Variants in EVC2 observed in about 807,000 individuals in gnomAD.
The protein encoded by EVC2 is limbin.
In EVC2, 148 loss-of-function variants were observed where a neutral mutation model predicts 149.3. The observed-to-expected ratio is 0.99, with a 90% CI of 0.87 to 1.14. The LOEUF (loss-of-function observed/expected upper bound fraction) is 1.14, where lower values mean the gene tolerates loss of function less well. EVC2 is among the 50% of genes most tolerant of loss of function. EVC2 has a pLI of 0.00. For missense variants in EVC2, 1,854 were observed against 1,627.3 expected, an observed-to-expected ratio of 1.14 and a Z score of -2.40; for synonymous variants, 776 against 649.9, an observed-to-expected ratio of 1.19 and a Z score of -2.95.
intron 16 of EVC2, among the ~76,000 whole-genome samples, chr4:5,588,915 A>C (rs1712539931): frequency 6.6e-6 from 1 of 152,246 alleles, no homozygotes; most frequent in African/African-American, 2.4e-5. Context: ...AACTCCCACA[A>C]GCTTAGCATT....
chr4:5,675,302 A>C (rs1719916972), intron 7 of EVC2, among the ~76,000 whole-genome samples: 1 of 152,136 alleles, frequency 6.6e-6, no homozygotes, highest in South Asian at 2.1e-4. Context: ...ACTTTTTACT[A>C]ATTGCTATAT....
intron 1 of EVC2, among the ~76,000 whole-genome samples, 177 bp from the exon 2 acceptor site, chr4:5,697,824 C>T (rs1339168074): frequency 6.6e-6 from 1 of 151,540 alleles, no homozygotes; most frequent in Non-Finnish European, 1.5e-5. Context: ...CGACTTACTA[C>T]AAGCTCCACC....
At chr4:5,642,069 T>TGAGGAG (rs35837388) in intron 9 of EVC2, among the ~76,000 whole-genome samples, 1 of 18,536 alleles carries the variant, frequency 5.4e-5, no homozygotes, top group Admixed American at 4.3e-4. Flanking sequence ...GTTAGTTTGC[T>TGAGGAG]AAGAGTTTCC....
intron 21 of EVC2, among the ~76,000 whole-genome samples, chr4:5,553,307 A>G (rs1308535879): frequency 6.6e-6 from 1 of 152,226 alleles, no homozygotes; most frequent in African/African-American, 2.4e-5. Flanking sequence ...TTGTGAGGAC[A>G]GTACCAAAGG....
chr4:5,548,048 C>T (rs1721654318), intron 21 of EVC2, among the ~76,000 whole-genome samples: 2 of 152,110 alleles, frequency 1.3e-5, no homozygotes, highest in African/African-American at 4.8e-5. Context: ...TGGAGCTGCC[C>T]ACCCCATTGC....
In EVC2 at chr4:5,686,097, C is replaced by CAT. The variant is rs201896450; in HGVS notation, c.707-619_707-618insAT. On this transcript the variant is annotated intron_variant, in intron 5 of 21. Coordinates refer to ENST00000344408, the MANE Select transcript of EVC2 (RefSeq NM_147127.5). The surrounding 1 kb of genome is among the most constrained non-coding windows in gnomAD (Gnocchi z 5.4). ...CATATATACACACACATATATATTA[C>CAT]ACACACACACACACACACACACACA... Among the ~76,000 whole-genome samples, 472 of 57,654 alleles carry CAT rather than the reference C, an allele frequency of 8.2e-3. 4 individuals are homozygous for CAT. The highest frequency in any genetic ancestry group is 0.027 in the East Asian group (29 of 1,064). 37.8% of individuals were successfully genotyped at this position (57,654 alleles called of 152,430 possible). A position where few individuals can be genotyped will look rare whatever the true frequency, so the allele number is the denominator to read the frequency against.
intron 9 of EVC2, among the ~76,000 whole-genome samples, chr4:5,648,234 A>G (rs541018479): frequency 6.6e-6 from 1 of 152,330 alleles, no homozygotes; most frequent in Admixed American, 6.5e-5. Flanking sequence ...TAGCCACCCC[A>G]CTGATCTATC....
In EVC2 at chr4:5,613,839, A is replaced by C. The variant is rs966041878; in HGVS notation, c.2829+1583T>G. Among the ~76,000 whole-genome samples the C allele has an allele frequency of 2.0e-5, 3 of 152,296 alleles. No individual in the cohort carries two copies. The highest frequency in any genetic ancestry group is 7.2e-5 in the African/African-American group (3 of 41,566). On this transcript the variant is annotated intron_variant, in intron 16 of 21. Transcript: ENST00000344408. The surrounding 1 kb of genome is among the most constrained non-coding windows in gnomAD (Gnocchi z 4.6). ...GAACCTGGGTGAGAATAGGGTTGCC[A>C]CTTCCTGGATCCCTTAAGACATCAA... is the stretch of plus-strand genomic sequence containing the variant.
intron 9 of EVC2, among the ~76,000 whole-genome samples, chr4:5,651,882 T>C: frequency 6.6e-6 from 1 of 152,230 alleles, no homozygotes; most frequent in East Asian, 1.9e-4. Flanking sequence ...AAAATTTCCA[T>C]CATTGTCCCA....
intron 8 of EVC2, 95 bp downstream of exon 8, chr4:5,665,420 G>A (rs1409164119): frequency 1.9e-6 from 3 of 1,590,332 alleles, no homozygotes; most frequent in Non-Finnish European, 2.6e-6. Flanking sequence ...CCTCAGCAAT[G>A]CTGATGGGGA....
chr4:5,619,402 T>A (rs1715516845), intron 14 of EVC2, among the ~76,000 whole-genome samples: 1 of 152,168 alleles, frequency 6.6e-6, no homozygotes, highest in African/African-American at 2.4e-5. Flanking sequence ...AGAGGCCATC[T>A]GACATGGAGG....
At chr4:5,581,751 C>G (rs756125063) in intron 17 of EVC2, among the ~76,000 whole-genome samples, 1 of 152,172 alleles carries the variant, frequency 6.6e-6, no homozygotes, top group Non-Finnish European at 1.5e-5. Context: ...GAGAACTTCA[C>G]GGCAGCCCTT....
At chr4:5,531,851 C>A in the EVC2 span, among the ~76,000 whole-genome samples, 6 of 151,954 alleles carry the variant, frequency 3.9e-5, no homozygotes, top group South Asian at 2.1e-4. Context: ...ATCCTGAAAC[C>A]ACGCTCCTGC....
At chr4:5,668,588 T>C (rs1719428641) in intron 7 of EVC2, among the ~76,000 whole-genome samples, 1 of 152,178 alleles carries the variant, frequency 6.6e-6, no homozygotes, top group African/African-American at 2.4e-5. Flanking sequence ...TAGCATTGCA[T>C]GGAGGTTATG....
At chr4:5,553,064 G>A (rs1313541174) in intron 21 of EVC2, among the ~76,000 whole-genome samples, 3 of 152,140 alleles carry the variant, frequency 2.0e-5, no homozygotes, top group East Asian at 1.9e-4. Flanking sequence ...AGAAATACCC[G>A]AGACTGGGTA....
chr4:5,565,109 C>A, intron 21 of EVC2, 149 bp downstream of exon 21: 1 of 744,954 alleles, frequency 1.3e-6, no homozygotes, highest in Non-Finnish European at 2.4e-6. Context: ...ACTCAGCCCA[C>A]TGAATAAAGA....
downstream of EVC2, among the ~76,000 whole-genome samples, chr4:5,557,496 T>G (rs1028812848): frequency 6.6e-6 from 1 of 152,156 alleles, no homozygotes; most frequent in African/African-American, 2.4e-5. Flanking sequence ...AGATCAAGAA[T>G]AAGGCAAAGA....
intron 16 of EVC2, among the ~76,000 whole-genome samples, chr4:5,612,937 AAAAAAAAAAAAAG>A (rs1714963077): frequency 6.6e-6 from 1 of 150,666 alleles, no homozygotes; most frequent in African/African-American, 2.4e-5. Context: ...AAAAAAAAAA[AAAAAAAAAAAAAG>A]AAATAATTAT....
chr4:5,570,673 T>C (rs1033653396), intron 19 of EVC2, among the ~76,000 whole-genome samples: 1 of 152,178 alleles, frequency 6.6e-6, no homozygotes, highest in African/African-American at 2.4e-5. Context: ...TAAGTTATTA[T>C]ATGAAAAAGA....
Sources: allele counts gnomAD v4.1 joint callset (sites outside exome capture counted in the v4.1 genomes callset), GRCh38; gene constraint gnomAD v4.1.1; non-coding constraint Gnocchi (gnomAD v3.1); transcripts MANE v1.5; gene names NCBI Gene and HGNC (gene_info 2026-07-23, HGNC 2026-07-21).